The following MTMR7 variants were observed in gnomAD, a reference collection of about 807,000 sequenced individuals.
MTMR7 encodes myotubularin related protein 7.
A neutral mutation model predicts 81.2 loss-of-function variants in MTMR7; 76 were observed. The ratio of observed to expected loss-of-function variants is 0.94; its 90% confidence interval spans 0.78 to 1.13. MTMR7 has a LOEUF of 1.13. MTMR7 is among the 50% of genes most tolerant of loss of function. The probability of loss-of-function intolerance (pLI) is 0.00; values close to 1 mark genes in which losing one functional copy is unlikely to be tolerated. For missense variants in MTMR7, 1,044 were observed against 820.0 expected (o/e 1.27, Z -3.34); for synonymous variants, 372 against 289.8 (o/e 1.28, Z -2.88).
rs527621422 is a variant in MTMR7 at position 17,341,512 on chromosome 8, C to T, written c.598-15G>A. 13 of 1,612,248 alleles carry T rather than the reference C, an allele frequency of 8.1e-6. No individual in the cohort carries two copies. The African/African-American group carries it at 9.3e-5, about 12-fold the overall frequency. On this transcript the variant is annotated splice_polypyrimidine_tract_variant and intron_variant, in intron 5 of 13. Transcript: ENST00000180173. ...CAGATGGAGGCCTAGGGGGAGAGGT[C>T]ACAGCAACACAGCACCATCAGGTAA...
At position 17,299,752 on chromosome 8, in the gene MTMR7, A is replaced by G; in HGVS notation, c.*110T>C. The G allele has an allele frequency of 6.9e-7, 1 of 1,451,664 alleles. No homozygotes were observed. The allele number at this position is 1,451,664 out of a possible 1,614,324, so 89.9% of individuals were successfully genotyped here. A position where few individuals can be genotyped will look rare whatever the true frequency, so the allele number is the denominator to read the frequency against. ...TCCCTTTTCATAGCTGCATTAAAGT[A>G]GTTCTCAATGACATGCACCATTTCC... On this transcript the variant is annotated 3_prime_UTR_variant, in exon 14 of 14. Coordinates refer to ENST00000180173, the MANE Select transcript of MTMR7 (RefSeq NM_004686.5).
At chr8:17,320,854 G>A (rs918262936) in intron 7 of MTMR7, among the ~76,000 whole-genome samples, 9 of 152,168 alleles carry the variant, frequency 5.9e-5, no homozygotes, top group Non-Finnish European at 1.2e-4. Flanking sequence ...CTCCCTGGGC[G>A]CCTGCTGTTT....
At chr8:17,350,587 G>A (rs141464812) in intron 4 of MTMR7, among the ~76,000 whole-genome samples, 110 of 152,262 alleles carry the variant, frequency 7.2e-4, no homozygotes, top group African/African-American at 2.5e-3. Flanking sequence ...AGATTTGGGT[G>A]GGGACACAGA....
intron 1 of MTMR7, among the ~76,000 whole-genome samples, chr8:17,401,718 G>A (rs982042216): frequency 1.3e-5 from 2 of 152,066 alleles, no homozygotes; most frequent in Admixed American, 1.3e-4. Flanking sequence ...GGAGTGAAGG[G>A]TAACTCCAAA....
chr8:17,305,771 C>T lies in MTMR7; in HGVS notation c.1338G>A (p.Glu446=). 1.9e-6 allele frequency: 3 copies of T among 1,611,464 alleles called. No individual in the cohort carries two copies. Among genetic ancestry groups the T allele is most frequent in the African/African-American group, 1.3e-5 (1 of 74,966 alleles). The part of the protein sequence containing the change: ...FGNFLCNSQK[E]RRELKIQERT... Reference sequence around the variant, plus strand: ...AAAACACTTACTTGAGTTCTCGTCTCTCCTTTTGGCTGTTACATAGGAAGT... The same window carrying T: ...AAAACACTTACTTGAGTTCTCGTCTTTCCTTTTGGCTGTTACATAGGAAGT... Residue 446 remains glutamate, a synonymous_variant, in exon 11 of 14, where the codon GAG becomes GAA. Coordinates refer to ENST00000180173, the MANE Select transcript of MTMR7 (RefSeq NM_004686.5).
chr8:17,333,840 C>T (rs1230019985), intron 6 of MTMR7, among the ~76,000 whole-genome samples: 1 of 152,010 alleles, frequency 6.6e-6, no homozygotes. Flanking sequence ...CAGAGCAAGA[C>T]CCCATGTTAC....
intron 3 of MTMR7, among the ~76,000 whole-genome samples, chr8:17,362,220 T>C (rs559344399): frequency 6.6e-6 from 1 of 152,342 alleles, no homozygotes; most frequent in Admixed American, 6.5e-5. Context: ...CACTTCAACA[T>C]GTGCATGATA....
Position 17,304,368 on chromosome 8 carries a change from G to A in MTMR7, c.1493+11C>T. 6.2e-7 allele frequency: 1 copy of A among 1,608,808 alleles called. No individual in the cohort carries two copies. The highest frequency in any genetic ancestry group is 8.5e-7 in the Non-Finnish European group (1 of 1,175,822). On this transcript the variant is annotated intron_variant, in intron 12 of 13. Transcript: ENST00000180173. ...ATACCATGGCTACAAAGTTACCAAG[G>A]ATTTACATACTTGTACATGAAGTTA...
At chr8:17,326,225 G>T (rs1425544282) in intron 7 of MTMR7, 3 of 152,104 alleles carry the variant, frequency 2.0e-5, no homozygotes, top group Non-Finnish European at 4.4e-5. Context: ...AAAAATGGTG[G>T]TTCTACCACT....
chr8:17,369,826 T>G (rs1820357038), intron 3 of MTMR7, among the ~76,000 whole-genome samples: 1 of 151,896 alleles, frequency 6.6e-6, no homozygotes, highest in Non-Finnish European at 1.5e-5. Context: ...TTTGTATTTT[T>G]AGTAGAGACG....
chr8:17,361,773 A>G (rs1820068368), intron 3 of MTMR7, among the ~76,000 whole-genome samples: 1 of 152,248 alleles, frequency 6.6e-6, no homozygotes, highest in South Asian at 2.1e-4. Flanking sequence ...ACTCTGGAAT[A>G]TACTAAACGT....
intron 3 of MTMR7, among the ~76,000 whole-genome samples, chr8:17,370,002 C>T (rs1820363933): frequency 6.6e-6 from 1 of 151,968 alleles, no homozygotes; most frequent in African/African-American, 2.4e-5. Context: ...CACAGAGAGG[C>T]AAGAAACACT....
At chr8:17,389,850 G>A (rs758177990) in intron 1 of MTMR7, among the ~76,000 whole-genome samples, 1 of 152,120 alleles carries the variant, frequency 6.6e-6, no homozygotes, top group Non-Finnish European at 1.5e-5. Context: ...AAACATGTTT[G>A]TTGAAAGATA....
Position 17,302,239 on chromosome 8 carries a change from T to C in MTMR7, c.1535A>G (p.Gln512Arg). 1 of 1,614,106 alleles carries C rather than the reference T, an allele frequency of 6.2e-7. No individual in the cohort carries two copies. The change falls in exon 13 of 14, where the codon CAG becomes CGG. Residue 512 changes from glutamine (Q) to arginine (R), a missense_variant. Coordinates refer to ENST00000180173, the MANE Select transcript of MTMR7 (RefSeq NM_004686.5). ...GTAATCTGTAACTGACTGTCGGGGC[T>C]GCATCCCCTTTTCAAAGCGGTTATA... The part of the protein sequence containing the change: ...GMYNRFEKGM[Q>R]PRQSVTDYLM...
intron 3 of MTMR7, among the ~76,000 whole-genome samples, chr8:17,368,935 G>A (rs1262491545): frequency 1.3e-5 from 2 of 152,042 alleles, no homozygotes; most frequent in Admixed American, 6.6e-5. Context: ...ATCTCTTTTC[G>A]AAAATGAGGG....
In MTMR7 at chr8:17,308,228, T is replaced by C. The variant is rs1161431550; in HGVS notation, c.1151+1049A>G. 3.9e-5 allele frequency among the ~76,000 whole-genome samples: 6 copies of C among 152,090 alleles called. No individual in the cohort carries two copies. The South Asian group carries it at 8.3e-4, about 21-fold the overall frequency. On this transcript the variant is annotated intron_variant, in intron 10 of 13. Coordinates refer to ENST00000180173, the MANE Select transcript of MTMR7 (RefSeq NM_004686.5). The stretch of plus-strand genomic sequence containing the variant: ...GTATTTTTTCCTTATCAAACAATTA[T>C]CTAGCTGATCTTCAGTCATTTCCAT...
chr8:17,386,254 T>A (rs1451164065), intron 1 of MTMR7, among the ~76,000 whole-genome samples: 1 of 152,174 alleles, frequency 6.6e-6, no homozygotes, highest in African/African-American at 2.4e-5. Context: ...GGCACATGCC[T>A]ATAGTCCCAG....
chr8:17,323,911 A>C (rs1331118133), intron 7 of MTMR7, among the ~76,000 whole-genome samples: 1 of 152,232 alleles, frequency 6.6e-6, no homozygotes, highest in Non-Finnish European at 1.5e-5. Context: ...TAACAGAACA[A>C]TAATTCTGAA....
Position 17,300,012 on chromosome 8 carries a change from T to C in MTMR7, c.1833A>G (p.Lys611=). ...TGGCTGACAGATCTGGATCTGAACT[T>C]TTCAGATTGTCTTGGGTTAGAATCA... ...SALILTQDNL[K]SSDPDLSANS... Residue 611 remains lysine, a synonymous_variant, in exon 14 of 14, where the codon AAA becomes AAG. Transcript: ENST00000180173. 6.2e-7 allele frequency: 1 copy of C among 1,614,128 alleles called. No individual in the cohort carries two copies. Among genetic ancestry groups the C allele is most frequent in the Non-Finnish European group, 8.5e-7 (1 of 1,180,008 alleles).
Sources: gnomAD v4.1 joint callset for allele counts (sites outside exome capture counted in the v4.1 genomes callset) on GRCh38, gnomAD v4.1.1 for gene constraint, MANE v1.5 for transcripts, NCBI Gene and HGNC (gene_info 2026-07-23, HGNC 2026-07-21) for gene names.